NME8: variants seen among roughly 807,000 people sequenced by gnomAD.
NME8 encodes the protein NME/NM23 family member 8.
A neutral mutation model predicts 82.3 loss-of-function variants in NME8; 72 were observed. The observed-to-expected ratio is 0.87, with a 90% CI of 0.72 to 1.06. NME8 has a LOEUF of 1.06. Among genes scored for constraint, NME8 ranks in the 50% least tolerant of loss-of-function variants. The probability of loss-of-function intolerance (pLI) is 0.00; values close to 1 mark genes in which losing one functional copy is unlikely to be tolerated. For missense variants in NME8, 712 were observed against 685.4 expected (o/e 1.04, Z -0.43); for synonymous variants, 267 against 228.5 (o/e 1.17, Z -1.52).
chr7:37,855,799 A>C (rs1188529770), intron 5 of NME8, among the ~76,000 whole-genome samples: 2 of 152,280 alleles, frequency 1.3e-5, no homozygotes, highest in East Asian at 3.9e-4. Context: ...TAGAGTCTAT[A>C]GGCATGCCTT....
chr7:37,870,117 A>G (rs1296628741), intron 11 of NME8, among the ~76,000 whole-genome samples: 1 of 151,524 alleles, frequency 6.6e-6, no homozygotes, highest in East Asian at 1.9e-4. Context: ...TGCTCCCATT[A>G]CCTGTTTTGC....
At chr7:37,890,989 G>A (rs1785121423) in intron 15 of NME8, among the ~76,000 whole-genome samples, 1 of 151,754 alleles carries the variant, frequency 6.6e-6, no homozygotes, top group Admixed American at 6.6e-5. Context: ...GATCATATAT[G>A]GTAGTTCTAT....
chr7:37,898,020 A>G (rs1162342418), intron 17 of NME8, among the ~76,000 whole-genome samples: 1 of 152,172 alleles, frequency 6.6e-6, no homozygotes, highest in Non-Finnish European at 1.5e-5. Context: ...AAACCTAGTA[A>G]TGAAATTACT....
At chr7:37,869,498 C>A (rs949677481) in intron 11 of NME8, among the ~76,000 whole-genome samples, 1 of 152,102 alleles carries the variant, frequency 6.6e-6, no homozygotes, top group Non-Finnish European at 1.5e-5. Flanking sequence ...AGGTAGTAAA[C>A]CTCCATTACA....
At chr7:37,883,496 C>T (rs2598011) in intron 12 of NME8, among the ~76,000 whole-genome samples, 71,200 of 152,024 alleles carry the variant, frequency 0.47, 17,112 homozygotes, top group East Asian at 0.74. Flanking sequence ...TTTATTCACT[C>T]TATTTCCTGT....
intron 12 of NME8, among the ~76,000 whole-genome samples, chr7:37,881,910 A>G (rs1268566137): frequency 1.3e-5 from 2 of 152,196 alleles, no homozygotes; most frequent in Non-Finnish European, 2.9e-5. Flanking sequence ...ATTTCAAGGA[A>G]TGGGTCAATT....
intron 12 of NME8, among the ~76,000 whole-genome samples, chr7:37,880,569 G>A (rs2598015): frequency 0.47 from 71,074 of 151,938 alleles, 17,049 homozygotes; most frequent in East Asian, 0.74. Flanking sequence ...GGCTAGGTCT[G>A]GTAGTATCAC....
At chr7:37,876,214 C>A (rs1823519) in intron 11 of NME8, among the ~76,000 whole-genome samples, 21,366 of 144,752 alleles carry the variant, frequency 0.15, 2,019 homozygotes, top group African/African-American at 0.27. Context: ...CTCAAAAAAA[C>A]ACTATATATA....
intron 16 of NME8, 38 bp downstream of exon 16, chr7:37,894,648 T>C (rs370297673): frequency 6.6e-7 from 1 of 1,515,682 alleles, no homozygotes; most frequent in East Asian, 2.3e-5. Flanking sequence ...ATTATAAAAG[T>C]GGTAAATGTT....
intron 5 of NME8, among the ~76,000 whole-genome samples, chr7:37,853,492 A>G (rs1583625200): frequency 6.6e-6 from 1 of 152,328 alleles, no homozygotes; most frequent in Non-Finnish European, 1.5e-5. Context: ...GTTAAAATAC[A>G]GTATCACAAG....
At chr7:37,850,911 G>T (rs1583623968) in intron 5 of NME8, among the ~76,000 whole-genome samples, 176 bp downstream of exon 5, 1 of 152,072 alleles carries the variant, frequency 6.6e-6, no homozygotes, top group South Asian at 2.1e-4. Flanking sequence ...GAATGAATAT[G>T]ATTTTTATCC....
intron 5 of NME8, 132 bp downstream of exon 5, chr7:37,850,867 A>T (rs1227806615): frequency 1.5e-6 from 1 of 675,154 alleles, no homozygotes; most frequent in African/African-American, 1.8e-5. Flanking sequence ...TTTACTTGGC[A>T]GTTTTACTAT....
intron 12 of NME8, among the ~76,000 whole-genome samples, chr7:37,883,987 C>CACACA (rs374127636): frequency 7.3e-4 from 105 of 144,726 alleles, no homozygotes; most frequent in Non-Finnish European, 9.0e-4. Context: ...ACACACACAC[C>CACACA]CACACAATCA....
chr7:37,866,812 C>CGGG (rs550475718), intron 10 of NME8, among the ~76,000 whole-genome samples: 46 of 152,086 alleles, frequency 3.0e-4, no homozygotes, highest in Non-Finnish European at 6.0e-4. Flanking sequence ...CCAAGGTGGT[C>CGGG]GGGGCACAGC....
chr7:37,882,599 G>GAAAGAAAGAAAC (rs1374421441), intron 12 of NME8, among the ~76,000 whole-genome samples: 1 of 39,786 alleles, frequency 2.5e-5, no homozygotes, highest in African/African-American at 5.5e-5. Context: ...AAGAAAGAAA[G>GAAAGAAAGAAAC]AGAGAGAGAG....
chr7:37,861,327 C>T (rs1366174267), intron 6 of NME8, among the ~76,000 whole-genome samples: 1 of 152,166 alleles, frequency 6.6e-6, no homozygotes, highest in Non-Finnish European at 1.5e-5. Context: ...ACCCTTATGT[C>T]TGTTATTCCT....
intron 6 of NME8, among the ~76,000 whole-genome samples, chr7:37,857,720 G>A (rs1784532433): frequency 6.6e-6 from 1 of 152,166 alleles, no homozygotes; most frequent in African/African-American, 2.4e-5. Flanking sequence ...GAAAGCATCT[G>A]TATGATCAGT....
chr7:37,897,231 G>A lies in NME8; in HGVS notation c.*15+124G>A, dbSNP rs2131978037. On this transcript the variant is annotated intron_variant, in intron 17 of 17. Transcript: ENST00000199447. ...TCCTGAATCAAGCTTTATTTCCTGT[G>A]AGACACACTGTTCTATTGCATAGTA... 1.2e-5 allele frequency: 8 copies of A among 676,416 alleles called. No homozygotes were observed. The South Asian group carries it at 1.3e-4, about 11-fold the overall frequency. 41.9% of individuals were successfully genotyped at this position (676,416 alleles called of 1,614,324 possible).
chr7:37,864,329 T>C lies in NME8; in HGVS notation c.455-19T>C. ...TGCCAAGAAAATGAAATTCTGTCTTTTTCTAAATTTTTTTCCAGAGGAATT... is the reference window on the plus strand; with the variant it reads ...TGCCAAGAAAATGAAATTCTGTCTTCTTCTAAATTTTTTTCCAGAGGAATT... On this transcript the variant is annotated intron_variant, in intron 8 of 17. Transcript: ENST00000199447. 6.3e-7 allele frequency: 1 copy of C among 1,589,884 alleles called. No homozygotes were observed. Among genetic ancestry groups the C allele is most frequent in the Non-Finnish European group, 8.6e-7 (1 of 1,162,760 alleles).
Sources: allele counts gnomAD v4.1 joint callset (sites outside exome capture counted in the v4.1 genomes callset), GRCh38; gene constraint gnomAD v4.1.1; transcripts MANE v1.5; gene names NCBI Gene and HGNC (gene_info 2026-07-23, HGNC 2026-07-21).